Variants in SRGAP3 observed in about 807,000 individuals in gnomAD.
SRGAP3 encodes SLIT-ROBO Rho GTPase-activating protein 3.
In SRGAP3, 39 loss-of-function variants were observed where a neutral mutation model predicts 121.1. That is an observed-to-expected ratio of 0.32 (90% CI 0.25 to 0.42). SRGAP3 has a LOEUF of 0.42. SRGAP3 is among the 10% of genes least tolerant of loss of function. The pLI is 1.00. For synonymous variants in SRGAP3, 601 were observed against 570.0 expected (o/e 1.05, Z -0.77); for missense variants, 1,213 against 1,470.6 (o/e 0.82, Z 2.86).
At chr3:9,001,641 A>T (rs13098113) in intron 18 of SRGAP3, among the ~76,000 whole-genome samples, 28,097 of 152,140 alleles carry the variant, frequency 0.18, 3,064 homozygotes, top group Non-Finnish European at 0.25. Flanking sequence ...GCAGAGATTA[A>T]CAGACTGGAT....
At chr3:9,233,421 CT>C (rs1241067852) in intron 1 of SRGAP3, among the ~76,000 whole-genome samples, 1 of 152,244 alleles carries the variant, frequency 6.6e-6, no homozygotes, top group Non-Finnish European at 1.5e-5. Context: ...TCTTCTTCAG[CT>C]GATTCCTGGC....
At chr3:9,014,837 C>T (rs1449741541) in intron 15 of SRGAP3, 2 of 152,152 alleles carry the variant, frequency 1.3e-5, no homozygotes, top group South Asian at 2.1e-4. Flanking sequence ...TATGGGGCAA[C>T]TTTTCTGTGA....
At chr3:9,342,539 C>T (rs1473314926) in intron 1 of SRGAP3, among the ~76,000 whole-genome samples, 1 of 152,208 alleles carries the variant, frequency 6.6e-6, no homozygotes, top group Admixed American at 6.5e-5. Flanking sequence ...CCATTGTTGA[C>T]AATTTCTTCC....
intron 2 of SRGAP3, among the ~76,000 whole-genome samples, chr3:9,329,513 C>T (rs998665351): frequency 1.3e-5 from 2 of 152,176 alleles, no homozygotes; most frequent in African/African-American, 4.8e-5. Context: ...CTCAGATGGG[C>T]CCCTCATCTT....
At chr3:9,238,461 T>C (rs1191978591) in intron 1 of SRGAP3, among the ~76,000 whole-genome samples, 1 of 152,168 alleles carries the variant, frequency 6.6e-6, no homozygotes, top group Non-Finnish European at 1.5e-5. Flanking sequence ...GAATGTCTGA[T>C]GACAAAGCCA....
chr3:9,198,349 C>T (rs1951971007), intron 1 of SRGAP3, among the ~76,000 whole-genome samples: 1 of 152,212 alleles, frequency 6.6e-6, no homozygotes, highest in Non-Finnish European at 1.5e-5. Context: ...TCAAGGAAGA[C>T]ATCTTCTTCT....
intron 1 of SRGAP3, among the ~76,000 whole-genome samples, chr3:9,203,589 C>CT (rs1438376347): frequency 6.6e-6 from 1 of 152,182 alleles, no homozygotes; most frequent in Non-Finnish European, 1.5e-5. Flanking sequence ...TGCCCACACC[C>CT]TTACTGCAGC....
At chr3:9,066,373 G>A (rs1270512635) in intron 4 of SRGAP3, among the ~76,000 whole-genome samples, 3 of 152,218 alleles carry the variant, frequency 2.0e-5, no homozygotes, top group African/African-American at 7.2e-5. Context: ...GGAATGAAAC[G>A]TGCTCCTATC....
intron 1 of SRGAP3, among the ~76,000 whole-genome samples, chr3:9,136,402 C>T (rs1422989055): frequency 1.1e-4 from 1 of 9,446 alleles, no homozygotes; most frequent in Admixed American, 1.0e-3. Context: ...GGACCCCCCC[C>T]CCCCCCGACC....
chr3:9,275,586 C>A (rs1372447874), intron 3 of SRGAP3, among the ~76,000 whole-genome samples: 1 of 152,126 alleles, frequency 6.6e-6, no homozygotes, highest in Non-Finnish European at 1.5e-5. Flanking sequence ...GGGGCAGTTT[C>A]CCCCATACTG....
intron 4 of SRGAP3, among the ~76,000 whole-genome samples, chr3:9,072,830 A>G (rs67796754): frequency 0.12 from 18,129 of 152,262 alleles, 1,334 homozygotes; most frequent in African/African-American, 0.21. Context: ...GAGGTGACAT[A>G]GGGCTGGAGG....
chr3:9,286,132 ACACACACACACAC>A (rs990826042), intron 3 of SRGAP3, among the ~76,000 whole-genome samples: 4 of 150,668 alleles, frequency 2.7e-5, no homozygotes, highest in African/African-American at 9.8e-5. Flanking sequence ...ACACACACAC[ACACACACACACAC>A]ACACACACAC....
intron 1 of SRGAP3, among the ~76,000 whole-genome samples, chr3:9,209,987 A>G (rs1347859832): frequency 1.3e-5 from 2 of 152,226 alleles, no homozygotes; most frequent in East Asian, 3.8e-4. Flanking sequence ...GTATGGATCT[A>G]TGTTACCACA....
chr3:9,236,858 A>G lies in SRGAP3; in HGVS notation c.67+12027T>C, dbSNP rs990311085. Among the ~76,000 whole-genome samples the G allele has an allele frequency of 4.6e-5, 7 of 152,206 alleles. 1 individual carries two copies. The highest frequency in any genetic ancestry group is 8.8e-5 in the Non-Finnish European group (6 of 68,040). ...GGGGATGCAAAAATTGGTGAAATAT[A>G]GTTCCCATTCTTATCTTTGATAAGA... On this transcript the variant is annotated intron_variant, in intron 1 of 21. Coordinates refer to ENST00000383836, the MANE Select transcript of SRGAP3 (RefSeq NM_014850.4).
In SRGAP3 at chr3:9,032,374, G is replaced by A. The variant is rs1432978151; in HGVS notation, c.1539+276C>T. Among the ~76,000 whole-genome samples, 3 of 152,168 alleles carry A rather than the reference G, an allele frequency of 2.0e-5. No homozygotes were observed. In the East Asian group the frequency reaches 5.8e-4, roughly 29 times the overall value. On this transcript the variant is annotated intron_variant, in intron 12 of 21. Coordinates refer to ENST00000383836, the MANE Select transcript of SRGAP3 (RefSeq NM_014850.4). ...AGCAATGAAGCGTGAATGAAGTGTG[G>A]CATTTCAGCCATACTTGGACTTCCC...
intron 2 of SRGAP3, among the ~76,000 whole-genome samples, chr3:9,116,384 C>T (rs1012865844): frequency 6.6e-6 from 1 of 152,192 alleles, no homozygotes; most frequent in Non-Finnish European, 1.5e-5. Flanking sequence ...TTTGATAAAG[C>T]ATCAATTATA....
chr3:9,011,699 G>C (rs1364203039), intron 17 of SRGAP3, among the ~76,000 whole-genome samples: 1 of 152,124 alleles, frequency 6.6e-6, no homozygotes, highest in Non-Finnish European at 1.5e-5. Flanking sequence ...ACCTTGTTTG[G>C]TTACATCTCT....
chr3:9,122,946 C>G (rs1238328227), intron 2 of SRGAP3, among the ~76,000 whole-genome samples: 1 of 152,002 alleles, frequency 6.6e-6, no homozygotes, highest in Non-Finnish European at 1.5e-5. Flanking sequence ...AAGTGTCCAC[C>G]AACAGATGAC....
intron 1 of SRGAP3, among the ~76,000 whole-genome samples, chr3:9,176,625 T>C (rs1311008971): frequency 1.3e-5 from 2 of 152,154 alleles, no homozygotes; most frequent in African/African-American, 2.4e-5. Context: ...ACAGGAAGCA[T>C]GGTGGCACCT....
Sources: gnomAD v4.1 joint callset for allele counts (sites outside exome capture counted in the v4.1 genomes callset) on GRCh38, gnomAD v4.1.1 for gene constraint, MANE v1.5 for transcripts, NCBI Gene and HGNC (gene_info 2026-07-23, HGNC 2026-07-21) for gene names.